The following CAST variants were observed in gnomAD, a reference collection of about 807,000 sequenced individuals.
The protein encoded by CAST is MIR583 host.
CAST carries 76 observed loss-of-function variants against 119.6 expected under a neutral mutation model. The ratio of observed to expected loss-of-function variants is 0.64; its 90% confidence interval spans 0.53 to 0.77. The LOEUF is 0.77. Ranked by LOEUF, CAST falls within the 30% of genes least tolerant of loss-of-function variation. The pLI, the probability that CAST is intolerant of heterozygous loss-of-function variation, is 0.00. For missense variants in CAST, 953 were observed against 946.5 expected (o/e 1.01, Z -0.09); for synonymous variants, 319 against 331.6 (o/e 0.96, Z 0.41).
chr5:96,205,734 T>C, the CAST span, among the ~76,000 whole-genome samples: 21 of 152,152 alleles, frequency 1.4e-4, no homozygotes, highest in Admixed American at 1.3e-4. Flanking sequence ...GCATTTAGGT[T>C]GATTACAGGT....
the CAST span, among the ~76,000 whole-genome samples, chr5:96,376,993 T>C: frequency 6.6e-6 from 1 of 152,054 alleles, no homozygotes; most frequent in South Asian, 2.1e-4. Flanking sequence ...TTGTGTACTA[T>C]TTTTTAAGAA....
the CAST span, among the ~76,000 whole-genome samples, chr5:96,117,352 G>A: frequency 1.3e-5 from 2 of 152,050 alleles, no homozygotes; most frequent in East Asian, 3.9e-4. Flanking sequence ...TCTCTTCTTG[G>A]TGATGTACCA....
At chr5:96,104,509 T>C in the CAST span, among the ~76,000 whole-genome samples, 1 of 152,072 alleles carries the variant, frequency 6.6e-6, no homozygotes, top group South Asian at 2.1e-4. Flanking sequence ...CCCCATTGCT[T>C]GTTTTTCTCA....
chr5:96,153,290 C>T, the CAST span, among the ~76,000 whole-genome samples: 11 of 152,220 alleles, frequency 7.2e-5, no homozygotes, highest in African/African-American at 2.7e-4. Context: ...TTCACTCTGA[C>T]TGTCTGAAAG....
chr5:96,498,181 G>A, the CAST span, among the ~76,000 whole-genome samples: 32 of 152,244 alleles, frequency 2.1e-4, 1 homozygote, highest in Admixed American at 1.2e-3. Flanking sequence ...TAGATATGCG[G>A]CATTATTTCT....
the CAST span, among the ~76,000 whole-genome samples, chr5:96,301,525 C>T: frequency 6.6e-6 from 1 of 152,144 alleles, no homozygotes; most frequent in African/African-American, 2.4e-5. Flanking sequence ...GTCTCTTCCA[C>T]CTATAAGGCT....
intron 1 of CAST, among the ~76,000 whole-genome samples, chr5:96,561,796 G>GTTTTTTTGTTTT (rs1267067922): frequency 0.1 from 9,849 of 96,996 alleles, 1,173 homozygotes; most frequent in African/African-American, 0.17. Flanking sequence ...GTTTTTTTTT[G>GTTTTTTTGTTTT]TTTTTTTTTT....
chr5:96,050,890 A>G, the CAST span, among the ~76,000 whole-genome samples: 3 of 152,208 alleles, frequency 2.0e-5, no homozygotes, highest in African/African-American at 7.2e-5. Flanking sequence ...CTGAACCCCC[A>G]GAATTTAGCA....
At chr5:96,615,880 G>T (rs1456547488) in intron 1 of CAST, among the ~76,000 whole-genome samples, 2 of 152,084 alleles carry the variant, frequency 1.3e-5, no homozygotes, top group Non-Finnish European at 2.9e-5. Flanking sequence ...TGGTCACAAG[G>T]TCCTACAATC....
the CAST span, among the ~76,000 whole-genome samples, chr5:96,478,184 C>T: frequency 2.0e-5 from 3 of 152,146 alleles, no homozygotes; most frequent in Admixed American, 6.5e-5. Context: ...TTTCCTCATA[C>T]CTTTAAATAA....
upstream of CAST, among the ~76,000 whole-genome samples, chr5:96,526,992 G>A (rs1384805669): frequency 6.6e-6 from 1 of 152,192 alleles, no homozygotes; most frequent in African/African-American, 2.4e-5. Flanking sequence ...TTGTGAGGTT[G>A]TCTTAGCACT....
intron 1 of CAST, among the ~76,000 whole-genome samples, chr5:96,637,391 C>T (rs1429231584): frequency 1.3e-5 from 2 of 152,182 alleles, no homozygotes; most frequent in African/African-American, 4.8e-5. Context: ...ATTTATACTA[C>T]CTTTCTGGAA....
chr5:96,630,217 T>C (rs1255692040), intron 1 of CAST, among the ~76,000 whole-genome samples: 1 of 152,178 alleles, frequency 6.6e-6, no homozygotes, highest in Admixed American at 6.5e-5. Flanking sequence ...TAATTAGCCA[T>C]GCAGGATACT....
intron 1 of CAST, among the ~76,000 whole-genome samples, chr5:96,628,526 C>T (rs1373448162): frequency 6.6e-6 from 1 of 152,180 alleles, no homozygotes; most frequent in African/African-American, 2.4e-5. Flanking sequence ...TTTTAAGAAT[C>T]TGGGGGGCTG....
intron 22 of CAST, 40 bp from the exon 23 acceptor site, chr5:96,757,404 G>C (rs763333292): frequency 1.3e-6 from 2 of 1,577,488 alleles, no homozygotes; most frequent in Non-Finnish European, 1.7e-6. Flanking sequence ...TGGATAAAAT[G>C]TAAAATGATT....
the CAST span, among the ~76,000 whole-genome samples, chr5:96,326,011 G>A: frequency 1.3e-5 from 2 of 152,068 alleles, no homozygotes; most frequent in East Asian, 1.9e-4. Flanking sequence ...TATTCCCAAC[G>A]GAATACCTTG....
chr5:96,768,426 G>C (rs776507247), intron 29 of CAST: 5 of 456,076 alleles, frequency 1.1e-5, no homozygotes, highest in South Asian at 7.8e-5. Context: ...CGATGATATA[G>C]AGAACCTGAA....
chr5:96,508,946 G>A, the CAST span, among the ~76,000 whole-genome samples: 741 of 152,250 alleles, frequency 4.9e-3, 9 homozygotes, highest in Non-Finnish European at 4.9e-3. Flanking sequence ...CTTGTAAAGA[G>A]GAATTTAGAA....
chr5:96,757,363 C>T, intron 22 of CAST, 81 bp from the exon 23 acceptor site: 2 of 1,229,364 alleles, frequency 1.6e-6, no homozygotes, highest in Non-Finnish European at 2.4e-6. Flanking sequence ...AACCTGTAGA[C>T]CCTTTGTAAT....
Sources: allele counts gnomAD v4.1 joint callset (sites outside exome capture counted in the v4.1 genomes callset), GRCh38; gene constraint gnomAD v4.1.1; transcripts MANE v1.5; gene names NCBI Gene and HGNC (gene_info 2026-07-23, HGNC 2026-07-21).